Variants in KIZ observed in about 807,000 individuals in gnomAD.
KIZ encodes centrosomal protein kizuna.
Under a neutral mutation model 79.6 loss-of-function variants are expected in KIZ, and 68 were observed. The observed-to-expected ratio is 0.85, with a 90% CI of 0.70 to 1.05. The LOEUF (loss-of-function observed/expected upper bound fraction) is 1.05. Among genes scored for constraint, KIZ ranks in the 50% least tolerant of loss-of-function variants. KIZ has a pLI of 0.00. For missense variants in KIZ, 797 were observed against 800.4 expected (o/e 1.00, Z 0.05); for synonymous variants, 280 against 281.8 (o/e 0.99, Z 0.06).
chr20:21,164,884 T>G (rs1336243545), intron 6 of KIZ, among the ~76,000 whole-genome samples: 1 of 152,194 alleles, frequency 6.6e-6, no homozygotes, highest in African/African-American at 2.4e-5. Context: ...TTTCTGTGTC[T>G]GTATTATCAA....
intron 6 of KIZ, chr20:21,198,636 A>T (rs1242346422): frequency 6.6e-6 from 1 of 152,618 alleles, no homozygotes; most frequent in Non-Finnish European, 1.5e-5. Context: ...CATTGATTCT[A>T]TCAAAGGGTG....
At chr20:21,130,313 G>T (rs143608093) in intron 1 of KIZ, among the ~76,000 whole-genome samples, 5 of 152,136 alleles carry the variant, frequency 3.3e-5, no homozygotes, top group African/African-American at 1.2e-4. Flanking sequence ...GACTGCAGTC[G>T]TGCTTTCTTA....
chr20:21,206,167 C>T lies in KIZ; in HGVS notation c.1446+583C>T, dbSNP rs534205977. The stretch of plus-strand genomic sequence containing the variant: ...ACACTCTAGTTTTCCGTCTCCACTC[C>T]GTACTTTAGAAATACTTTATAGTCA... On this transcript the variant is annotated intron_variant, in intron 7 of 12. Transcript: ENST00000619189. 1.8e-4 allele frequency among the ~76,000 whole-genome samples: 27 copies of T among 152,250 alleles called. No homozygotes were observed. In the South Asian group the frequency reaches 1.9e-3, roughly 11 times the overall value.
rs1390717852 is a variant in KIZ at position 21,244,226 on chromosome 20, CTG to C, written c.1881-17_1881-16del. On this transcript the variant is annotated splice_polypyrimidine_tract_variant and intron_variant, in intron 11 of 12. Transcript: ENST00000619189. ...TGTCTTTTCTTTTTCAGAACTTAGA[CTG>C]TTTCTTTATTTTGCAGGCATGAAAA... The C allele has an allele frequency of 1.3e-6, 2 of 1,558,308 alleles. No individual in the cohort carries two copies. Among genetic ancestry groups the C allele is most frequent in the Non-Finnish European group, 8.8e-7 (1 of 1,130,158 alleles).
chr20:21,137,073 G>T (rs2032234028), intron 3 of KIZ, among the ~76,000 whole-genome samples: 1 of 152,204 alleles, frequency 6.6e-6, no homozygotes, highest in Non-Finnish European at 1.5e-5. Flanking sequence ...CAGCATTGGG[G>T]TTCTCTCTAG....
At chr20:21,245,311 T>C (rs146832790) in intron 12 of KIZ, 6 of 152,250 alleles carry the variant, frequency 3.9e-5, no homozygotes, top group African/African-American at 1.2e-4. Context: ...AGCTACCTAC[T>C]GTGGGGGAGA....
At chr20:21,140,545 A>G (rs1423228430) in intron 3 of KIZ, among the ~76,000 whole-genome samples, 1 of 152,222 alleles carries the variant, frequency 6.6e-6, no homozygotes, top group Non-Finnish European at 1.5e-5. Flanking sequence ...ATGACTCATA[A>G]TACTTTATTT....
intron 4 of KIZ, among the ~76,000 whole-genome samples, chr20:21,154,826 T>G (rs2033295180): frequency 6.6e-6 from 1 of 152,228 alleles, no homozygotes; most frequent in Non-Finnish European, 1.5e-5. Flanking sequence ...CTGTTTCCTG[T>G]TGCTAAGCTA....
At chr20:21,141,941 CCATT>C (rs2122458686) in intron 3 of KIZ, among the ~76,000 whole-genome samples, 1 of 151,278 alleles carries the variant, frequency 6.6e-6, no homozygotes, top group East Asian at 1.9e-4. Context: ...CCTGCCATCC[CCATT>C]TCTCCCTCTT....
intron 3 of KIZ, among the ~76,000 whole-genome samples, chr20:21,144,906 C>G (rs562343341): frequency 1.3e-5 from 2 of 152,190 alleles, no homozygotes; most frequent in Admixed American, 1.3e-4. Flanking sequence ...CTTTTTTATG[C>G]CTTGCTTTTA....
rs757048759 is a variant in KIZ at position 21,162,103 on chromosome 20, A to G, written c.638A>G (p.Asn213Ser). The change falls in exon 5 of 13, where the codon AAT (asparagine) becomes AGT (serine). Residue 213 changes from asparagine (N) to serine (S), a missense_variant. Asn to Ser is a conservative substitution (Grantham distance 46). Transcript: ENST00000619189. ...VTDSCVVQTSNDTQCLNKSDN... is the reference protein window; with the variant it reads ...VTDSCVVQTSSDTQCLNKSDN... ...GACAGCTGTGTAGTACAAACTAGTA[A>G]TGACACACAGTGCTTAAATAAGTCT... 4 of 1,613,570 alleles carry G rather than the reference A, an allele frequency of 2.5e-6. No individual in the cohort carries two copies. The highest frequency in any genetic ancestry group is 2.2e-5 in the East Asian group (1 of 44,892).
chr20:21,232,716 T>A lies in KIZ; in HGVS notation c.1784-18T>A, dbSNP rs775078059. 2 of 1,366,654 alleles carry A rather than the reference T, an allele frequency of 1.5e-6. No homozygotes were observed. Among genetic ancestry groups the A allele is most frequent in the Non-Finnish European group, 2.1e-6 (2 of 967,584 alleles). The allele number at this position is 1,366,654 out of a possible 1,614,324, so 84.7% of individuals were successfully genotyped here. A position where few individuals can be genotyped will look rare whatever the true frequency, so the allele number is the denominator to read the frequency against. ...CATGACAGCTAACCCTCACTCTCCATGTTTACGCTTATCACAGGTTTGAAT... is the reference window on the plus strand; with the variant it reads ...CATGACAGCTAACCCTCACTCTCCAAGTTTACGCTTATCACAGGTTTGAAT... On this transcript the variant is annotated intron_variant, in intron 10 of 12. Transcript: ENST00000619189.
intron 4 of KIZ, among the ~76,000 whole-genome samples, chr20:21,158,982 A>ATATT (rs68145616): frequency 0.012 from 1,716 of 148,342 alleles, 41 homozygotes; most frequent in African/African-American, 0.041. Context: ...ATATACACAT[A>ATATT]TATTTATTTA....
chr20:21,155,488 CAGAA>C (rs1234765640), intron 4 of KIZ, among the ~76,000 whole-genome samples: 4 of 152,056 alleles, frequency 2.6e-5, no homozygotes, highest in African/African-American at 9.7e-5. Flanking sequence ...TTTTTACAAA[CAGAA>C]AGTAGATTAA....
intron 12 of KIZ, 116 bp from the exon 13 acceptor site, chr20:21,246,363 G>A (rs941522876): frequency 1.4e-6 from 1 of 690,652 alleles, no homozygotes; most frequent in Non-Finnish European, 2.6e-6. Context: ...TGGTGTCCCT[G>A]TTATGCATTT....
chr20:21,136,698 GC>G (rs2032210632), intron 3 of KIZ, 146 bp downstream of exon 3: 2 of 550,778 alleles, frequency 3.6e-6, no homozygotes, highest in Non-Finnish European at 6.3e-6. Flanking sequence ...CTCCTGAGTA[GC>G]TGGGATTACA....
intron 6 of KIZ, chr20:21,196,179 A>G (rs1368508652): frequency 6.6e-6 from 1 of 152,152 alleles, no homozygotes; most frequent in Non-Finnish European, 1.5e-5. Flanking sequence ...TTAATTTTCC[A>G]TTGCTATCCT....
intron 2 of KIZ, among the ~76,000 whole-genome samples, chr20:21,133,886 T>C (rs2032005353): frequency 6.6e-6 from 1 of 152,158 alleles, no homozygotes; most frequent in African/African-American, 2.4e-5. Flanking sequence ...CTCCGCACAG[T>C]GTCTAATCCT....
intron 6 of KIZ, chr20:21,166,254 T>G: frequency 1.3e-6 from 2 of 1,598,184 alleles, no homozygotes; most frequent in Non-Finnish European, 8.5e-7. Flanking sequence ...TTCGTCTTGC[T>G]TCTTCATGGT....
Sources: allele counts gnomAD v4.1 joint callset (sites outside exome capture counted in the v4.1 genomes callset), GRCh38; gene constraint gnomAD v4.1.1; transcripts MANE v1.5; gene names NCBI Gene and HGNC (gene_info 2026-07-23, HGNC 2026-07-21).